AMMECR1L: variants seen among roughly 807,000 people sequenced by gnomAD.
AMMECR1L encodes the protein AMMECR1 like.
AMMECR1L carries 4 observed loss-of-function variants against 36.8 expected under a neutral mutation model. The ratio of observed to expected loss-of-function variants is 0.11; its 90% CI spans 0.05 to 0.25. The LOEUF is 0.25. Among genes scored for constraint, AMMECR1L ranks in the 10% least tolerant of loss-of-function variants. AMMECR1L has a pLI of 1.00. For missense variants in AMMECR1L, 232 were observed against 392.1 expected (o/e 0.59, Z 3.45); for synonymous variants, 147 against 148.0 (o/e 0.99, Z 0.05).
In AMMECR1L at chr2:127,863,892, A is replaced by G. The variant is rs966523327; in HGVS notation, c.*1202T>C. 6.6e-5 allele frequency: 10 copies of G among 152,428 alleles called. No individual in the cohort carries two copies. The highest frequency in any genetic ancestry group is 4.1e-4 in the South Asian group (2 of 4,834). The allele number at this position is 152,428 out of a possible 1,614,324, so 9.4% of individuals were successfully genotyped here. On this transcript the variant is annotated 3_prime_UTR_variant, in exon 8 of 8. Transcript: ENST00000272647. The stretch of plus-strand genomic sequence containing the variant: ...ATGGGAAAGGGAAATATGTCACATG[A>G]AAGTTTGAAAGACCTAGAATAAAAT...
intron 2 of AMMECR1L, among the ~76,000 whole-genome samples, chr2:127,883,103 CTTTTTT>C (rs70985485): frequency 7.1e-6 from 1 of 141,438 alleles, no homozygotes; most frequent in East Asian, 2.1e-4. Context: ...AATTTCTTTT[CTTTTTT>C]TTTTTTTAGA....
chr2:127,884,152 T>C (rs542859133), intron 2 of AMMECR1L, 51 bp downstream of exon 2: 1 of 152,148 alleles, frequency 6.6e-6, no homozygotes, highest in South Asian at 2.1e-4. Flanking sequence ...ATGCCTAAAA[T>C]CAAAAACTAC....
chr2:127,867,796 A>AAAGGAAGG (rs368174899), intron 6 of AMMECR1L, among the ~76,000 whole-genome samples: 28 of 152,114 alleles, frequency 1.8e-4, no homozygotes, highest in African/African-American at 6.7e-4. Context: ...AAGAGGAAGG[A>AAAGGAAGG]AAGGAAGGAA....
intron 1 of AMMECR1L, chr2:127,885,131 A>G (rs1691698165): frequency 1.7e-5 from 17 of 984,906 alleles, no homozygotes; most frequent in Middle Eastern, 5.2e-4. Context: ...TGGACGGATC[A>G]TGGAATGGGG....
rs1484023804 is a variant in AMMECR1L, at chr2:127,865,419, C to T, written c.822-214G>A. Among the ~76,000 whole-genome samples the T allele has an allele frequency of 2.0e-5, 3 of 152,218 alleles. No homozygotes were observed. Among genetic ancestry groups the T allele is most frequent in the Admixed American group, 2.0e-4 (3 of 15,288 alleles). On this transcript the variant is annotated intron_variant, in intron 7 of 7. Transcript: ENST00000272647. This position sits in a 1 kb window ranked among gnomAD's most constrained non-coding sequence, Gnocchi z 5.4. Reference sequence around the variant, plus strand: ...TGAAAAAGCACAATCACAATTCCCCCGAGAATGTGTTTCAGCACATCCCAC... The same window carrying T: ...TGAAAAAGCACAATCACAATTCCCCTGAGAATGTGTTTCAGCACATCCCAC...
At position 127,871,409 on chromosome 2, in the gene AMMECR1L, A is replaced by G. The variant is rs1690958646; in HGVS notation, c.408-50T>C. On this transcript the variant is annotated intron_variant, in intron 3 of 7. Transcript: ENST00000272647. The surrounding 1 kb of genome is among the most constrained non-coding windows in gnomAD (Gnocchi z 4.3). Reference sequence around the variant, plus strand: ...TTCTCCAGCCCCAAATTAATCATGGATAAGAACAAAACCTTTTGGCTTTGT... The same window carrying G: ...TTCTCCAGCCCCAAATTAATCATGGGTAAGAACAAAACCTTTTGGCTTTGT... 2 of 1,565,464 alleles carry G rather than the reference A, an allele frequency of 1.3e-6. No individual in the cohort carries two copies. The highest frequency in any genetic ancestry group is 1.4e-5 in the African/African-American group (1 of 73,556).
At chr2:127,878,567 T>C (rs1270813761) in intron 2 of AMMECR1L, among the ~76,000 whole-genome samples, 1 of 152,174 alleles carries the variant, frequency 6.6e-6, no homozygotes, top group African/African-American at 2.4e-5. Context: ...GGTGAAACAC[T>C]CCATCACAGA....
chr2:127,868,336 A>G (rs1460044947), intron 6 of AMMECR1L, among the ~76,000 whole-genome samples: 1 of 152,226 alleles, frequency 6.6e-6, no homozygotes, highest in East Asian at 1.9e-4. Context: ...ATTACAAAAC[A>G]TGGTATGCCT....
At chr2:127,867,038 A>G in intron 6 of AMMECR1L, 42 bp from the exon 7 acceptor site, 2 of 1,612,178 alleles carry the variant, frequency 1.2e-6, no homozygotes, top group Non-Finnish European at 1.7e-6. Context: ...TGCACATGCA[A>G]GAGTAAGGCA....
At chr2:127,879,250 G>T (rs1691384416) in intron 2 of AMMECR1L, among the ~76,000 whole-genome samples, 1 of 152,204 alleles carries the variant, frequency 6.6e-6, no homozygotes, top group Non-Finnish European at 1.5e-5. Context: ...CTGGATCACG[G>T]GGGTGGATTT....
rs565007429 is a variant in AMMECR1L, at chr2:127,874,993, A to C, written c.-38-721T>G. 6.6e-6 allele frequency among the ~76,000 whole-genome samples: 1 copy of C among 152,256 alleles called. No homozygotes were observed. Among genetic ancestry groups the C allele is most frequent in the South Asian group, 2.1e-4 (1 of 4,828 alleles). ...CAACCTAGCAGAAACCTTTATTCAC[A>C]TGAATGACCCAAGCTTCACAGCCCT... On this transcript the variant is annotated intron_variant, in intron 2 of 7. Coordinates refer to ENST00000272647, the MANE Select transcript of AMMECR1L (RefSeq NM_001199140.2). This position sits in a 1 kb window ranked among gnomAD's most constrained non-coding sequence, Gnocchi z 5.2.
chr2:127,877,313 T>C (rs1288424450), intron 2 of AMMECR1L, among the ~76,000 whole-genome samples: 2 of 149,400 alleles, frequency 1.3e-5, no homozygotes, highest in African/African-American at 5.0e-5. Context: ...GCATCCACAC[T>C]GCCACTAAGT....
chr2:127,870,750 C>T, intron 5 of AMMECR1L, 64 bp downstream of exon 5: 5 of 1,270,646 alleles, frequency 3.9e-6, no homozygotes, highest in Non-Finnish European at 5.6e-6. Flanking sequence ...AGATACATTG[C>T]CATGTACTAA....
intron 2 of AMMECR1L, among the ~76,000 whole-genome samples, chr2:127,882,243 GAA>G (rs58608206): frequency 0.088 from 13,338 of 152,102 alleles, 1,579 homozygotes; most frequent in African/African-American, 0.26. Flanking sequence ...TGGGAGGTGG[GAA>G]AAAGGCCAAG....
At chr2:127,881,854 T>C (rs150408924) in intron 2 of AMMECR1L, among the ~76,000 whole-genome samples, 1 of 152,344 alleles carries the variant, frequency 6.6e-6, no homozygotes, top group East Asian at 1.9e-4. Context: ...TCTCATGACC[T>C]TGATGGTTTC....
rs576257448 is a variant in AMMECR1L at position 127,879,512 on chromosome 2, C to CT, written c.-39+4690dup. The stretch of plus-strand genomic sequence containing the variant: ...CTGCAGAACCCTGAGCCAATTAAGC[C>CT]TTTTTTTTAAATAAGTTACCAGTCC... On this transcript the variant is annotated intron_variant, in intron 2 of 7. Coordinates refer to ENST00000272647, the MANE Select transcript of AMMECR1L (RefSeq NM_001199140.2). Among the ~76,000 whole-genome samples the CT allele has an allele frequency of 1.8e-4, 27 of 152,120 alleles. No homozygotes were observed. In the South Asian group the frequency reaches 3.1e-3, roughly 18 times the overall value.
intron 2 of AMMECR1L, among the ~76,000 whole-genome samples, chr2:127,876,462 T>C (rs1381478408): frequency 6.6e-6 from 1 of 152,144 alleles, no homozygotes; most frequent in African/African-American, 2.4e-5. Context: ...ACCTGGCTTC[T>C]TTTTGAGAAA....
Position 127,863,499 on chromosome 2 carries a change from C to A in AMMECR1L, c.*1595G>T, listed in dbSNP as rs987829000. 3.3e-5 allele frequency: 5 copies of A among 150,942 alleles called. No individual in the cohort carries two copies. Among genetic ancestry groups the A allele is most frequent in the African/African-American group, 1.2e-4 (5 of 41,362 alleles). 9.4% of individuals were successfully genotyped at this position (150,942 alleles called of 1,614,324 possible). On this transcript the variant is annotated 3_prime_UTR_variant, in exon 8 of 8. Transcript: ENST00000272647. ...GGTGTCCTTTCTCAGATTGTGCCCC[C>A]ACTCCCCTTCCCCATTCCTGACAGA...
intron 2 of AMMECR1L, among the ~76,000 whole-genome samples, chr2:127,882,932 G>A (rs10199941): frequency 2.2e-5 from 3 of 137,114 alleles, no homozygotes; most frequent in Non-Finnish European, 4.6e-5. Context: ...TTAAAGAGAT[G>A]AAGTCTTGCT....
Sources: allele counts gnomAD v4.1 joint callset (sites outside exome capture counted in the v4.1 genomes callset), GRCh38; gene constraint gnomAD v4.1.1; non-coding constraint Gnocchi (gnomAD v3.1); transcripts MANE v1.5; gene names NCBI Gene and HGNC (gene_info 2026-07-23, HGNC 2026-07-21).